The following POMGNT1 variants were observed in gnomAD, a reference collection of about 807,000 sequenced individuals.
POMGNT1 encodes protein O-linked-mannose beta-1,2-N-acetylglucosaminyltransferase 1.
Under a neutral mutation model 95.6 loss-of-function variants are expected in POMGNT1, and 67 were observed. That is an observed-to-expected ratio of 0.70 (90% CI 0.58 to 0.86). POMGNT1 has a LOEUF of 0.86. Among genes scored for constraint, POMGNT1 ranks in the 40% least tolerant of loss-of-function variants. The pLI is 0.00. For missense variants in POMGNT1, 719 were observed against 855.2 expected, an observed-to-expected ratio of 0.84 and a Z score of 1.99; for synonymous variants, 298 against 317.9, an observed-to-expected ratio of 0.94 and a Z score of 0.66.
intron 1 of POMGNT1, chr1:46,203,574 A>G: frequency 1.3e-6 from 2 of 1,578,078 alleles, no homozygotes; most frequent in Non-Finnish European, 1.7e-6. Flanking sequence ...AGGGGCGTCT[A>G]GCACCGGCCA....
At chr1:46,197,194 C>A in intron 2 of POMGNT1, 110 bp from the exon 3 acceptor site, 1 of 1,599,804 alleles carries the variant, frequency 6.3e-7, no homozygotes, top group East Asian at 2.2e-5. Context: ...AAACTGGGTC[C>A]TGTCCCTTCC....
chr1:46,191,354 T>G (rs1459557430), intron 17 of POMGNT1: 1 of 191,746 alleles, frequency 5.2e-6, no homozygotes, highest in Non-Finnish European at 1.1e-5. Flanking sequence ...GTCCTCTGAA[T>G]GCAGCCAGGT....
chr1:46,205,816 A>G (rs1658695297), intron 1 of POMGNT1, among the ~76,000 whole-genome samples: 2 of 152,150 alleles, frequency 1.3e-5, no homozygotes, highest in Admixed American at 6.5e-5. Flanking sequence ...TGCCCTGCCT[A>G]CTGGGTTGCA....
intron 1 of POMGNT1, among the ~76,000 whole-genome samples, chr1:46,215,178 A>G (rs923385077): frequency 2.7e-5 from 4 of 149,666 alleles, no homozygotes; most frequent in Non-Finnish European, 5.9e-5. Flanking sequence ...GTAAGCCAAG[A>G]TCGCACCATT....
In POMGNT1 at chr1:46,189,311, G is replaced by C. The variant is rs1657554177; in HGVS notation, c.1942C>G (p.Pro648Ala). 6.2e-7 allele frequency: 1 copy of C among 1,613,892 alleles called. No individual in the cohort carries two copies. The highest frequency in any genetic ancestry group is 1.3e-5 in the African/African-American group (1 of 75,034). Residue 648 changes from proline (P) to alanine (A), a missense_variant, in exon 22 of 22, where the codon CCA becomes GCA. Physicochemically the swap from Pro to Ala is conservative, Grantham distance 27. Around this residue, in one of 5 missense-constraint regions of POMGNT1, gnomAD observed 130 missense variants for 149.2 expected, o/e 0.87. Coordinates refer to ENST00000371984, the MANE Select transcript of POMGNT1 (RefSeq NM_017739.4). ...SVTPIFLEPP[P>A]KEEGAPGAPE... Reference sequence around the variant, plus strand: ...GCTCCTGGGGCTCCCTCCTCCTTTGGGGGTGGCTCCAGGAAAATTGGGGTG... The same window carrying C: ...GCTCCTGGGGCTCCCTCCTCCTTTGCGGGTGGCTCCAGGAAAATTGGGGTG...
At position 46,193,947 on chromosome 1, in the gene POMGNT1, G is replaced by A. The variant is rs1422901277; in HGVS notation, c.880-22C>T. On this transcript the variant is annotated intron_variant, in intron 9 of 21. Transcript: ENST00000371984. ...GGAGCTGTGGGAGAAATAGCGTTTAGCTCTTGCCTTATTCCCCCTTCAAAC... is the reference window on the plus strand; with the variant it reads ...GGAGCTGTGGGAGAAATAGCGTTTAACTCTTGCCTTATTCCCCCTTCAAAC... 1.9e-6 allele frequency: 3 copies of A among 1,613,590 alleles called. No homozygotes were observed. In the Admixed American group the frequency reaches 5.0e-5, roughly 27 times the overall value.
intron 20 of POMGNT1, 39 bp downstream of exon 20, chr1:46,189,815 G>A: frequency 1.2e-6 from 2 of 1,612,606 alleles, no homozygotes; most frequent in Non-Finnish European, 1.7e-6. Context: ...TGTGTGTGAG[G>A]GGGAGGGGTT....
chr1:46,195,382 T>G (rs1462975546), intron 6 of POMGNT1: 4 of 370,976 alleles, frequency 1.1e-5, no homozygotes, highest in Middle Eastern at 9.2e-4. Context: ...CACTCCTCAA[T>G]TCCTCAGCTT....
At position 46,188,813 on chromosome 1, in the gene POMGNT1, G is replaced by A. The variant is rs1657513729; in HGVS notation, c.*457C>T. The A allele has an allele frequency of 6.2e-7, 1 of 1,612,888 alleles. No individual in the cohort carries two copies. Reference sequence around the variant, plus strand: ...TGAGTGAGTCTGTGTCAGCATGTGGGCCCCAGCTGGGCCTGTCCATGGGTT... The same window carrying A: ...TGAGTGAGTCTGTGTCAGCATGTGGACCCCAGCTGGGCCTGTCCATGGGTT... On this transcript the variant is annotated 3_prime_UTR_variant, in exon 22 of 22. Coordinates refer to ENST00000371984, the MANE Select transcript of POMGNT1 (RefSeq NM_017739.4).
intron 17 of POMGNT1, chr1:46,191,775 C>T (rs1291800319): frequency 5.6e-6 from 2 of 359,526 alleles, no homozygotes; most frequent in East Asian, 7.3e-5. Flanking sequence ...GCTGGGACTA[C>T]AGGCGCCCAT....
chr1:46,219,771 C>T (rs146884073), exon 1 of POMGNT1: 101 of 1,613,924 alleles, frequency 6.3e-5, no homozygotes, highest in South Asian at 7.7e-5. Context: ...CGAGGCAGTG[C>T]GCTGGCTGTT....
chr1:46,214,998 A>G (rs1214797468), intron 1 of POMGNT1, among the ~76,000 whole-genome samples: 1 of 151,926 alleles, frequency 6.6e-6, no homozygotes, highest in Admixed American at 6.6e-5. Flanking sequence ...AGGCCAAGGC[A>G]GGTGGATCAC....
rs2292484 is a variant in POMGNT1, at chr1:46,192,656, A to G, written c.1212-66T>C. ...ATAAATCTAGTCACACAGAGATGCT[A>G]GAATTGCTGGAGCTGGGTCTCAGGA... On this transcript the variant is annotated intron_variant, in intron 14 of 21. Transcript: ENST00000371984. 567,297 of 1,603,404 alleles carry G rather than the reference A, an allele frequency of 0.35. 102,177 individuals are homozygous for G. Among genetic ancestry groups the G allele is most frequent in the South Asian group, 0.45 (40,425 of 90,100 alleles).
upstream of POMGNT1, among the ~76,000 whole-genome samples, chr1:46,202,724 A>AAAT (rs369169575): frequency 7.0e-6 from 1 of 143,020 alleles, no homozygotes; most frequent in Admixed American, 7.2e-5. Context: ...AAAAAAAAAA[A>AAAT]TGCAGGATCT....
At chr1:46,211,398 A>G (rs1226932355) in intron 1 of POMGNT1, among the ~76,000 whole-genome samples, 1 of 151,190 alleles carries the variant, frequency 6.6e-6, no homozygotes, top group African/African-American at 2.4e-5. Context: ...CACTGTAACA[A>G]TGGCTATGGG....
intron 1 of POMGNT1, among the ~76,000 whole-genome samples, chr1:46,213,428 ACCT>A (rs1171478063): frequency 6.7e-6 from 1 of 150,284 alleles, no homozygotes; most frequent in Admixed American, 6.8e-5. Context: ...CGGCAGTAAA[ACCT>A]CCTGCTGGTG....
In POMGNT1 at chr1:46,189,442, G is replaced by GA; in HGVS notation, c.1895+15dup. ...ACTAGGCCTCCTGTTTCCCAGGGCAGAAAAGGGTCACTCACGAGTAGGGGG... is the reference window on the plus strand; with the variant it reads ...ACTAGGCCTCCTGTTTCCCAGGGCAGAAAAAGGGTCACTCACGAGTAGGGGG... On this transcript the variant is annotated intron_variant, in intron 21 of 21. Coordinates refer to ENST00000371984, the MANE Select transcript of POMGNT1 (RefSeq NM_017739.4). The GA allele has an allele frequency of 6.2e-7, 1 of 1,613,488 alleles. No homozygotes were observed.
In POMGNT1 at chr1:46,193,568, T is replaced by C. The variant is rs1282166639; in HGVS notation, c.1022A>G (p.Tyr341Cys). The C allele has an allele frequency of 3.1e-6, 5 of 1,614,016 alleles. No individual in the cohort carries two copies. In the African/African-American group the frequency reaches 6.7e-5, roughly 22 times the overall value. The change falls in exon 11 of 22, where the codon TAT (tyrosine) becomes TGT (cysteine). Residue 341 changes from tyrosine (Y) to cysteine (C), a missense_variant. By Grantham distance (194) the Tyr-to-Cys change is radical. This residue lies in a region of POMGNT1 where 466 missense variants were observed against 517.4 expected (regional missense o/e 0.90). Transcript: ENST00000371984. ...CACCCCCCAAGTCCTGCTCACCTCA[T>C]AGTAGCCGTCAATGAAAACTGTTAT... is the stretch of plus-strand genomic sequence containing the variant. ...QMITVFIDGY[Y>C]EEPMDVVALF... is the part of the protein sequence containing the mutation.
chr1:46,204,243 T>C (rs1658643295), intron 1 of POMGNT1, among the ~76,000 whole-genome samples: 1 of 152,142 alleles, frequency 6.6e-6, no homozygotes, highest in Non-Finnish European at 1.5e-5. Flanking sequence ...CGCCTCAGAC[T>C]CAGTCTCCTC....
Sources: gnomAD v4.1 joint callset for allele counts (sites outside exome capture counted in the v4.1 genomes callset) on GRCh38, gnomAD v4.1.1 for gene constraint, gnomAD v4.1.1 regional missense constraint, MANE v1.5 for transcripts, NCBI Gene and HGNC (gene_info 2026-07-23, HGNC 2026-07-21) for gene names.